Variants in PGAP1 observed in about 807,000 individuals in gnomAD.
PGAP1 encodes GPI inositol-deacylase.
In PGAP1, 76 loss-of-function variants were observed where a neutral mutation model predicts 127.0. The ratio of observed to expected loss-of-function variants is 0.60; its 90% confidence interval spans 0.50 to 0.72. The LOEUF (loss-of-function observed/expected upper bound fraction) is 0.72, where lower values mean the gene tolerates loss of function less well. Ranked by LOEUF, PGAP1 falls within the 30% of genes least tolerant of loss-of-function variation. The pLI, the probability that PGAP1 is intolerant of heterozygous loss-of-function variation, is 0.00. For synonymous variants in PGAP1, 362 were observed against 366.5 expected, an observed-to-expected ratio of 0.99 and a Z score of 0.14; for missense variants, 982 against 1,071.3, an observed-to-expected ratio of 0.92 and a Z score of 1.16.
chr2:196,862,577 T>C (rs1701103961), intron 20 of PGAP1, among the ~76,000 whole-genome samples: 1 of 152,214 alleles, frequency 6.6e-6, no homozygotes, highest in African/African-American at 2.4e-5. Context: ...TTGCTGGTTT[T>C]TGCAGCTTGT....
At chr2:196,855,750 T>C (rs541321091) in intron 20 of PGAP1, among the ~76,000 whole-genome samples, 1 of 152,198 alleles carries the variant, frequency 6.6e-6, no homozygotes, top group Non-Finnish European at 1.5e-5. Context: ...TGAGTATTCT[T>C]ATGGCCGTAT....
At chr2:196,861,219 G>A (rs185131841) in intron 20 of PGAP1, among the ~76,000 whole-genome samples, 12 of 152,176 alleles carry the variant, frequency 7.9e-5, no homozygotes, top group East Asian at 5.8e-4. Context: ...CCGAAACGAC[G>A]AAACTACCAC....
In PGAP1 at chr2:196,846,077, T is replaced by G. The variant is rs1700548491; in HGVS notation, c.2151-60A>C. The G allele has an allele frequency of 5.4e-6, 6 of 1,103,330 alleles. No individual in the cohort carries two copies. In the East Asian group the frequency reaches 8.2e-5, roughly 15 times the overall value. The allele number at this position is 1,103,330 out of a possible 1,614,324, so 68.3% of individuals were successfully genotyped here. A position where few individuals can be genotyped will look rare whatever the true frequency, so the allele number is the denominator to read the frequency against. On this transcript the variant is annotated intron_variant, in intron 22 of 26. Transcript: ENST00000354764. The stretch of plus-strand genomic sequence containing the variant: ...TAACAAATATTTATATAGTCACATA[T>G]AAGAAGAAAACAATATAGTACCCTC...
rs1356601270 is a variant in PGAP1 at position 196,912,748 on chromosome 2, G to A, written c.649+134C>T. ...AAAGAGACAGACACTCAGAATTGGA[G>A]GTGCTGATTTGCAACTGAGTTGCTT... On this transcript the variant is annotated intron_variant, in intron 4 of 26. Coordinates refer to ENST00000354764, the MANE Select transcript of PGAP1 (RefSeq NM_024989.4). The A allele has an allele frequency of 3.4e-5, 22 of 639,302 alleles. No homozygotes were observed. In the South Asian group the frequency reaches 7.5e-4, roughly 22 times the overall value. 39.6% of individuals were successfully genotyped at this position (639,302 alleles called of 1,614,324 possible).
intron 19 of PGAP1, among the ~76,000 whole-genome samples, chr2:196,866,163 A>C (rs1247718613): frequency 1.3e-5 from 2 of 152,238 alleles, no homozygotes; most frequent in African/African-American, 4.8e-5. Context: ...AGCATAGCCA[A>C]GACAATCCTA....
At position 196,926,598 on chromosome 2, in the gene PGAP1, TAAC is replaced by T. The variant is rs1703370494; in HGVS notation, c.16_18del (p.Val6del). 2.5e-6 allele frequency: 4 copies of T among 1,613,896 alleles called. No homozygotes were observed. The highest frequency in any genetic ancestry group is 3.4e-6 in the Non-Finnish European group (4 of 1,179,976). ...ACATAAAACGCCAGGTTCCAGAGAT[TAAC>T]TGAGTGAAGAAACATGGTGCCGCCA... is the stretch of plus-strand genomic sequence containing the variant. On this transcript the variant is annotated inframe_deletion, in exon 1 of 27. Coordinates refer to ENST00000354764, the MANE Select transcript of PGAP1 (RefSeq NM_024989.4).
intron 18 of PGAP1, among the ~76,000 whole-genome samples, chr2:196,871,621 A>G (rs1359997549): frequency 2.6e-5 from 4 of 152,188 alleles, no homozygotes; most frequent in Admixed American, 2.6e-4. Flanking sequence ...AGGATGCAAG[A>G]TATCAAAGCA....
Position 196,837,457 on chromosome 2 carries a change from G to A in PGAP1, c.*3777C>T, listed in dbSNP as rs925569377. On this transcript the variant is annotated 3_prime_UTR_variant, in exon 27 of 27. Coordinates refer to ENST00000354764, the MANE Select transcript of PGAP1 (RefSeq NM_024989.4). ...AGCTTGGGCAACAAACTGAAACCTC[G>A]TCTCTACAAAAAAATTAAAAAGTCA... is the stretch of plus-strand genomic sequence containing the variant. 1.3e-5 allele frequency: 2 copies of A among 152,132 alleles called. No homozygotes were observed. The highest frequency in any genetic ancestry group is 4.8e-5 in the African/African-American group (2 of 41,472). 9.4% of individuals were successfully genotyped at this position (152,132 alleles called of 1,614,324 possible). A position where few individuals can be genotyped will look rare whatever the true frequency, so the allele number is the denominator to read the frequency against.
At chr2:196,882,328 A>C (rs1412104147) in intron 12 of PGAP1, among the ~76,000 whole-genome samples, 1 of 151,968 alleles carries the variant, frequency 6.6e-6, no homozygotes, top group African/African-American at 2.4e-5. Flanking sequence ...GTTTGGCTTT[A>C]CTGAGCTCTT....
At chr2:196,872,592 T>C (rs759878606) in intron 17 of PGAP1, 43 bp from the exon 18 acceptor site, 5 of 1,372,674 alleles carry the variant, frequency 3.6e-6, no homozygotes, top group Non-Finnish European at 5.2e-6. Context: ...TACAAAATGC[T>C]GGTAAAGAGC....
chr2:196,866,381 C>T (rs1701243536), intron 19 of PGAP1, among the ~76,000 whole-genome samples: 2 of 152,174 alleles, frequency 1.3e-5, no homozygotes, highest in African/African-American at 4.8e-5. Context: ...AAAGGATTCC[C>T]TATTTAATAA....
intron 19 of PGAP1, among the ~76,000 whole-genome samples, chr2:196,866,776 A>G (rs1002559707): frequency 2.0e-5 from 3 of 151,502 alleles, no homozygotes; most frequent in Admixed American, 2.0e-4. Flanking sequence ...AATTCACAAG[A>G]AAAAAAAACA....
chr2:196,884,647 G>A (rs1701841926), intron 12 of PGAP1, among the ~76,000 whole-genome samples: 1 of 152,130 alleles, frequency 6.6e-6, no homozygotes, highest in African/African-American at 2.4e-5. Flanking sequence ...AGTTAATCGT[G>A]AAATAATTGG....
chr2:196,867,799 T>C (rs1701290435), intron 19 of PGAP1, among the ~76,000 whole-genome samples: 2 of 152,076 alleles, frequency 1.3e-5, no homozygotes, highest in Non-Finnish European at 2.9e-5. Flanking sequence ...TTCAGAAAAT[T>C]CAGGGTCTCC....
intron 10 of PGAP1, among the ~76,000 whole-genome samples, chr2:196,887,835 C>T (rs1462932976): frequency 1.3e-5 from 2 of 152,216 alleles, no homozygotes; most frequent in Admixed American, 1.3e-4. Context: ...GTTACCTGTA[C>T]TTCCCAGAAC....
Position 196,912,999 on chromosome 2 carries a change from G to A in PGAP1, c.532C>T (p.Leu178Phe). ...VAIIGHSMGGLVARALLTLKN... is the reference protein window; with the variant it reads ...VAIIGHSMGGFVARALLTLKN... Reference sequence around the variant, plus strand: ...AGTGTAAGCAATGCTCTTGCAACAAGGCCACCCATAGAATGACCAATTATT... The same window carrying A: ...AGTGTAAGCAATGCTCTTGCAACAAAGCCACCCATAGAATGACCAATTATT... The change falls in exon 4 of 27, where the codon CTT becomes TTT. Residue 178 changes from leucine to phenylalanine, a missense_variant. Leu to Phe is a conservative substitution (Grantham distance 22). Transcript: ENST00000354764. 2 of 1,613,642 alleles carry A rather than the reference G, an allele frequency of 1.2e-6. No homozygotes were observed. Among genetic ancestry groups the A allele is most frequent in the East Asian group, 2.2e-5 (1 of 44,848 alleles).
intron 23 of PGAP1, 25 bp downstream of exon 23, chr2:196,845,856 AT>A (rs759757264): frequency 1.9e-6 from 3 of 1,575,608 alleles, no homozygotes; most frequent in Non-Finnish European, 2.6e-6. Flanking sequence ...AAGCTCAATC[AT>A]TTTGGCTTTA....
rs898561144 is a variant in PGAP1, at chr2:196,837,985, G to A, written c.*3249C>T. 1.3e-5 allele frequency: 2 copies of A among 152,034 alleles called. No individual in the cohort carries two copies. Among genetic ancestry groups the A allele is most frequent in the Admixed American group, 6.5e-5 (1 of 15,270 alleles). 9.4% of individuals were successfully genotyped at this position (152,034 alleles called of 1,614,324 possible). On this transcript the variant is annotated 3_prime_UTR_variant, in exon 27 of 27. Coordinates refer to ENST00000354764, the MANE Select transcript of PGAP1 (RefSeq NM_024989.4). ...TCACTTTAAATATTTTCATTCTGGT[G>A]ATAACCAAGAGAAAAAAAAGAGTTA...
At chr2:196,864,206 A>G (rs1014935679) in intron 20 of PGAP1, among the ~76,000 whole-genome samples, 2 of 151,894 alleles carry the variant, frequency 1.3e-5, no homozygotes, top group East Asian at 3.9e-4. Flanking sequence ...CCTGGCCAAC[A>G]TGGTGAAACC....
Sources: gnomAD v4.1 joint callset for allele counts (sites outside exome capture counted in the v4.1 genomes callset) on GRCh38, gnomAD v4.1.1 for gene constraint, MANE v1.5 for transcripts, NCBI Gene and HGNC (gene_info 2026-07-23, HGNC 2026-07-21) for gene names.